Variants in MAF observed in about 807,000 individuals in gnomAD.
MAF encodes the protein MAF bZIP transcription factor, also known as transcription factor Maf.
Under a neutral mutation model 22.0 loss-of-function variants are expected in MAF, and 10 were observed. The observed-to-expected ratio is 0.45, with a 90% CI of 0.28 to 0.77. MAF has a LOEUF of 0.77. Among genes scored for constraint, MAF ranks in the 30% least tolerant of loss-of-function variants. The pLI is 0.12. For missense variants in MAF, 544 were observed against 548.4 expected, an observed-to-expected ratio of 0.99 and a Z score of 0.08; for synonymous variants, 337 against 255.8, an observed-to-expected ratio of 1.32 and a Z score of -3.03.
At chr16:79,526,645 C>CA in the MAF span, among the ~76,000 whole-genome samples, 10 of 151,834 alleles carry the variant, frequency 6.6e-5, no homozygotes, top group African/African-American at 2.4e-4. Flanking sequence ...CTTTCCGGGG[C>CA]AAAAAACAAA....
chr16:79,515,498 T>C, the MAF span, among the ~76,000 whole-genome samples: 26 of 152,238 alleles, frequency 1.7e-4, no homozygotes, highest in African/African-American at 6.3e-4. Flanking sequence ...TGCCCAACTG[T>C]AGGCTAACGT....
At chr16:79,215,685 G>A in the MAF span, among the ~76,000 whole-genome samples, 1 of 152,116 alleles carries the variant, frequency 6.6e-6, no homozygotes, top group African/African-American at 2.4e-5. Context: ...AGATTTCCAA[G>A]TCATATAGAC....
chr16:79,308,905 C>A, the MAF span, among the ~76,000 whole-genome samples: 10 of 152,276 alleles, frequency 6.6e-5, no homozygotes, highest in Admixed American at 5.2e-4. Context: ...ATATAGGACT[C>A]CTGCCTTTAG....
the MAF span, among the ~76,000 whole-genome samples, chr16:79,299,125 C>T: frequency 1.3e-5 from 2 of 152,144 alleles, no homozygotes; most frequent in African/African-American, 4.8e-5. Flanking sequence ...CCTTTTCTCC[C>T]TCCTCTGCTG....
the MAF span, among the ~76,000 whole-genome samples, chr16:79,393,553 G>A: frequency 1.3e-5 from 2 of 152,192 alleles, no homozygotes; most frequent in African/African-American, 4.8e-5. Context: ...TTAGACCTCA[G>A]TGCTGGGCCT....
At chr16:79,362,646 G>A in the MAF span, among the ~76,000 whole-genome samples, 9 of 152,196 alleles carry the variant, frequency 5.9e-5, no homozygotes, top group Non-Finnish European at 1.0e-4. Context: ...AAAGGCAGAC[G>A]GGGTAGTCAA....
chr16:79,533,107 C>G, the MAF span, among the ~76,000 whole-genome samples: 2 of 152,202 alleles, frequency 1.3e-5, no homozygotes, highest in African/African-American at 4.8e-5. Flanking sequence ...TTATCTATGT[C>G]TTCACTGGCC....
At chr16:79,325,631 A>AACAC in the MAF span, among the ~76,000 whole-genome samples, 13 of 149,530 alleles carry the variant, frequency 8.7e-5, no homozygotes, top group Non-Finnish European at 1.8e-4. Flanking sequence ...ACACACACAG[A>AACAC]ACACACACAC....
At chr16:79,391,893 GAGGAGCAGGAGGAGGAGA>G in the MAF span, among the ~76,000 whole-genome samples, 1 of 75,864 alleles carries the variant, frequency 1.3e-5, no homozygotes, top group East Asian at 2.2e-4. Context: ...GGAGGAGGAG[GAGGAGCAGGAGGAGGAGA>G]AGGAGGAGGA....
chr16:79,450,637 G>T, the MAF span, among the ~76,000 whole-genome samples: 33 of 152,182 alleles, frequency 2.2e-4, no homozygotes, highest in African/African-American at 7.5e-4. Context: ...AGAAAATGTG[G>T]TTTTTATAAG....
At chr16:79,228,216 TG>T in the MAF span, among the ~76,000 whole-genome samples, 3 of 152,086 alleles carry the variant, frequency 2.0e-5, no homozygotes, top group African/African-American at 7.2e-5. Context: ...ACATTATTTT[TG>T]AACTTTAAAG....
chr16:79,464,387 C>T, the MAF span, among the ~76,000 whole-genome samples: 1 of 152,106 alleles, frequency 6.6e-6, no homozygotes, highest in Non-Finnish European at 1.5e-5. Context: ...GCCGTGAAGA[C>T]ATAGAGAATG....
the MAF span, among the ~76,000 whole-genome samples, chr16:79,535,586 C>CTTTT: frequency 3.1e-4 from 40 of 130,566 alleles, 1 homozygote; most frequent in South Asian, 9.4e-4. Context: ...ATTGCTTCTT[C>CTTTT]TTTTTTTTTT....
At chr16:79,308,295 G>C in the MAF span, among the ~76,000 whole-genome samples, 2 of 152,166 alleles carry the variant, frequency 1.3e-5, no homozygotes, top group Admixed American at 1.3e-4. Context: ...GGTTAAGTGA[G>C]GAACCAGACT....
chr16:79,595,661 A>G (rs1913475730), intron 1 of MAF: 2 of 1,058,100 alleles, frequency 1.9e-6, no homozygotes, highest in African/African-American at 3.3e-5. Flanking sequence ...GTCAGCCCCC[A>G]TACACAGCCT....
the MAF span, chr16:79,211,721 C>A: frequency 3.1e-6 from 5 of 1,614,186 alleles, no homozygotes; most frequent in Non-Finnish European, 4.2e-6. Flanking sequence ...AAGCTCAGAG[C>A]GAAGAGACGG....
At chr16:79,421,436 G>C in the MAF span, among the ~76,000 whole-genome samples, 9 of 152,228 alleles carry the variant, frequency 5.9e-5, no homozygotes, top group East Asian at 1.7e-3. Flanking sequence ...CCATAGTTTT[G>C]GCTTTTCCAC....
At chr16:79,208,151 C>CTCT in the MAF span, among the ~76,000 whole-genome samples, 1 of 152,142 alleles carries the variant, frequency 6.6e-6, no homozygotes, top group Non-Finnish European at 1.5e-5. Context: ...TTTACATATA[C>CTCT]TCTCAAGATT....
the MAF span, among the ~76,000 whole-genome samples, chr16:79,522,902 C>T: frequency 6.6e-6 from 1 of 152,306 alleles, no homozygotes; most frequent in East Asian, 1.9e-4. Flanking sequence ...GCTGGCATAT[C>T]CCTGAGAACA....
Sources: gnomAD v4.1 joint callset for allele counts (sites outside exome capture counted in the v4.1 genomes callset) on GRCh38, gnomAD v4.1.1 for gene constraint, MANE v1.5 for transcripts, NCBI Gene and HGNC (gene_info 2026-07-23, HGNC 2026-07-21) for gene names.